The following ABCA4 variants were observed in gnomAD, a reference collection of about 807,000 sequenced individuals.
ABCA4 encodes ATP binding cassette subfamily A member 4.
In ABCA4, 196 loss-of-function variants were observed where a neutral mutation model predicts 263.7. That is an observed-to-expected ratio of 0.74 (90% CI 0.66 to 0.84). The LOEUF is 0.84. Ranked by LOEUF, ABCA4 falls within the 40% of genes least tolerant of loss-of-function variation. The pLI is 0.00. For missense variants in ABCA4, 2,792 were observed against 2,855.1 expected, an observed-to-expected ratio of 0.98 and a Z score of 0.50; for synonymous variants, 1,133 against 1,094.2, an observed-to-expected ratio of 1.04 and a Z score of -0.70.
intron 14 of ABCA4, 68 bp downstream of exon 14, chr1:94,060,469 T>C: frequency 6.9e-7 from 1 of 1,440,390 alleles, no homozygotes; most frequent in Non-Finnish European, 9.8e-7. Flanking sequence ...TCCAGGCACA[T>C]GAACAGGAGG....
intron 43 of ABCA4, among the ~76,000 whole-genome samples, chr1:94,005,959 G>T (rs1659366630): frequency 6.6e-6 from 1 of 152,190 alleles, no homozygotes; most frequent in Non-Finnish European, 1.5e-5. Context: ...AGATGCATGT[G>T]TCCCGATGGA....
intron 30 of ABCA4, among the ~76,000 whole-genome samples, chr1:94,026,381 T>C (rs566117917): frequency 2.0e-5 from 3 of 152,306 alleles, no homozygotes; most frequent in African/African-American, 7.2e-5. Flanking sequence ...CCTGACACTC[T>C]TTGAAAGAAG....
At position 94,098,960 on chromosome 1, in the gene ABCA4, T is replaced by G. The variant is rs1040637568; in HGVS notation, c.602A>C (p.Lys201Thr). The G allele has an allele frequency of 6.2e-7, 1 of 1,611,326 alleles. No individual in the cohort carries two copies. Among genetic ancestry groups the G allele is most frequent in the Admixed American group, 1.7e-5 (1 of 59,994 alleles). ...GAGGGCCTCGCTGCAGGCGATGTCC[T>G]TCAGCGCCAGGTCCGGGACTCCATG... ...FAHGVPDLAL[K>T]DIACSEALLE... is the part of the protein sequence containing the mutation. The change falls in exon 6 of 50, where the codon AAG (lysine) becomes ACG (threonine). Residue 201 changes from lysine (K) to threonine (T), a missense_variant. Coordinates refer to ENST00000370225, the MANE Select transcript of ABCA4 (RefSeq NM_000350.3).
At chr1:94,062,966 T>G in intron 12 of ABCA4, 146 bp downstream of exon 12, 1 of 1,046,770 alleles carries the variant, frequency 9.6e-7, no homozygotes, top group Non-Finnish European at 1.4e-6. Flanking sequence ...CAAGGACTCT[T>G]TGTTGAGCTT....
At chr1:94,072,819 T>C (rs888399595) in intron 11 of ABCA4, among the ~76,000 whole-genome samples, 2 of 152,098 alleles carry the variant, frequency 1.3e-5, no homozygotes, top group African/African-American at 4.8e-5. Context: ...AACTGGGCCG[T>C]CTGACTTCCA....
chr1:94,098,632 T>G (rs1662199213), intron 6 of ABCA4, among the ~76,000 whole-genome samples, 162 bp downstream of exon 6: 1 of 152,198 alleles, frequency 6.6e-6, no homozygotes, highest in Admixed American at 6.5e-5. Context: ...GCCACTGTTC[T>G]AGAAATACTA....
chr1:94,090,519 C>CCT (rs1661942140), intron 6 of ABCA4, among the ~76,000 whole-genome samples: 1 of 152,126 alleles, frequency 6.6e-6, no homozygotes, highest in Admixed American at 6.5e-5. Flanking sequence ...CCAGAGTCAA[C>CCT]TCATTTCAAA....
chr1:94,064,658 G>A (rs1661217173), intron 11 of ABCA4, among the ~76,000 whole-genome samples: 1 of 152,188 alleles, frequency 6.6e-6, no homozygotes, highest in Non-Finnish European at 1.5e-5. Flanking sequence ...TCCATATCTT[G>A]TAAAAAACTC....
intron 44 of ABCA4, among the ~76,000 whole-genome samples, chr1:94,005,055 C>T (rs1659334401): frequency 1.3e-5 from 2 of 152,140 alleles, no homozygotes; most frequent in Admixed American, 6.5e-5. Context: ...ATTATTCAGC[C>T]AATCTACAAT....
At position 94,008,794 on chromosome 1, in the gene ABCA4, C is replaced by G. The variant is rs954069176; in HGVS notation, c.5792G>C (p.Gly1931Ala). 2.5e-6 allele frequency: 4 copies of G among 1,613,838 alleles called. No individual in the cohort carries two copies. In the African/African-American group the frequency reaches 5.3e-5, roughly 22 times the overall value. The change falls in exon 41 of 50, where the codon GGT becomes GCT. Residue 1931 changes from glycine (G) to alanine (A), a missense_variant. Transcript: ENST00000370225. ...VAEERQRIIT[G>A]GNKTDILRLH... ...CCTTAAGATGTCAGTTTTATTTCCA[C>G]CAGTAATAATTCTTTGTCTTTCTTC...
intron 13 of ABCA4, among the ~76,000 whole-genome samples, chr1:94,060,979 G>C (rs938026824): frequency 6.6e-6 from 1 of 152,164 alleles, no homozygotes; most frequent in Non-Finnish European, 1.5e-5. Flanking sequence ...TGGCTTTCTG[G>C]TTAGCCCGGG....
intron 1 of ABCA4, among the ~76,000 whole-genome samples, chr1:94,116,974 CTTTCTTTCTTT>C (rs1662790657): frequency 1.0e-4 from 9 of 86,228 alleles, no homozygotes; most frequent in Non-Finnish European, 1.9e-4. Context: ...CTTTCTCTTT[CTTTCTTTCTTT>C]CTTTCTTTCT....
chr1:94,117,314 G>T (rs2101180955), intron 1 of ABCA4, among the ~76,000 whole-genome samples: 1 of 152,120 alleles, frequency 6.6e-6, no homozygotes, highest in African/African-American at 2.4e-5. Context: ...GGACAAACAT[G>T]ACCCGGAGCC....
intron 2 of ABCA4, 88 bp from the exon 3 acceptor site, chr1:94,111,667 G>GC (rs1373589244): frequency 2.7e-6 from 4 of 1,508,358 alleles, no homozygotes; most frequent in East Asian, 4.5e-5. Context: ...TTGGGAAGGG[G>GC]CCCGGGCCCC....
intron 22 of ABCA4, among the ~76,000 whole-genome samples, chr1:94,042,229 C>A (rs1164378640): frequency 6.6e-6 from 1 of 152,090 alleles, no homozygotes; most frequent in Non-Finnish European, 1.5e-5. Context: ...TCTGGCTTGA[C>A]CACGGGGTTG....
chr1:94,094,979 G>A (rs949659860), intron 6 of ABCA4, among the ~76,000 whole-genome samples: 1 of 152,234 alleles, frequency 6.6e-6, no homozygotes, highest in Non-Finnish European at 1.5e-5. Flanking sequence ...GTGAAGACAA[G>A]CTCCTTCAGG....
intron 20 of ABCA4, 27 bp downstream of exon 20, chr1:94,044,586 G>T: frequency 6.2e-7 from 1 of 1,614,192 alleles, no homozygotes; most frequent in South Asian, 1.1e-5. Flanking sequence ...GAGGGGATGG[G>T]GCGGTCTCAG....
chr1:94,061,960 G>A (rs979156268), intron 13 of ABCA4, among the ~76,000 whole-genome samples: 1 of 151,290 alleles, frequency 6.6e-6, no homozygotes, highest in Non-Finnish European at 1.5e-5. Flanking sequence ...CCTCCACCCC[G>A]GCCCTTTCTC....
At chr1:94,113,577 G>A (rs911381677) in intron 1 of ABCA4, among the ~76,000 whole-genome samples, 3 of 152,206 alleles carry the variant, frequency 2.0e-5, no homozygotes, top group South Asian at 4.1e-4. Context: ...CCAAAATCCA[G>A]CCTCCTGTTT....
Sources: allele counts gnomAD v4.1 joint callset (sites outside exome capture counted in the v4.1 genomes callset), GRCh38; gene constraint gnomAD v4.1.1; transcripts MANE v1.5; gene names NCBI Gene and HGNC (gene_info 2026-07-23, HGNC 2026-07-21).